MAP2K2: variants seen among roughly 807,000 people sequenced by gnomAD.
The protein encoded by MAP2K2 is mitogen-activated protein kinase kinase 2, also known as dual specificity mitogen-activated protein kinase kinase 2.
A neutral mutation model predicts 43.7 loss-of-function variants in MAP2K2; 24 were observed. The ratio of observed to expected loss-of-function variants is 0.55; its 90% CI spans 0.40 to 0.77. The LOEUF (loss-of-function observed/expected upper bound fraction) is 0.77, where lower values mean the gene tolerates loss of function less well. Ranked by LOEUF, MAP2K2 falls within the 30% of genes least tolerant of loss-of-function variation. The probability of loss-of-function intolerance (pLI) is 0.00; values close to 1 mark genes in which losing one functional copy is unlikely to be tolerated. For synonymous variants in MAP2K2, 244 were observed against 239.7 expected (o/e 1.02, Z -0.17); for missense variants, 470 against 566.8 (o/e 0.83, Z 1.73).
chr19:4,116,407 G>A (rs1003274645), intron 2 of MAP2K2, among the ~76,000 whole-genome samples: 1 of 152,144 alleles, frequency 6.6e-6, no homozygotes, highest in Non-Finnish European at 1.5e-5. Flanking sequence ...GCATGCACCT[G>A]TAATCCCAGC....
intron 3 of MAP2K2, among the ~76,000 whole-genome samples, chr19:4,109,324 C>T (rs1351490209): frequency 6.6e-6 from 1 of 152,194 alleles, no homozygotes; most frequent in Non-Finnish European, 1.5e-5. Flanking sequence ...AAGGGGGTGC[C>T]TGTACCCCAC....
At chr19:4,116,822 C>T (rs541985490) in intron 2 of MAP2K2, among the ~76,000 whole-genome samples, 3 of 151,854 alleles carry the variant, frequency 2.0e-5, no homozygotes, top group Admixed American at 6.6e-5. Context: ...CCCAGCTACT[C>T]GGGAGGCTGA....
intron 10 of MAP2K2, among the ~76,000 whole-genome samples, chr19:4,092,460 G>A (rs1186535206): frequency 4.0e-5 from 6 of 151,878 alleles, no homozygotes; most frequent in African/African-American, 9.7e-5. Flanking sequence ...GTGGTGGCAC[G>A]AGCCTGTAAT....
chr19:4,097,413 CA>C, intron 7 of MAP2K2, 70 bp from the exon 8 acceptor site: 1 of 1,245,114 alleles, frequency 8.0e-7, no homozygotes, highest in Non-Finnish European at 1.2e-6. Context: ...GTTGGGCTCC[CA>C]GGGGGCTGAT....
At chr19:4,103,115 G>A (rs756644676) in intron 3 of MAP2K2, 43 of 1,000,342 alleles carry the variant, frequency 4.3e-5, no homozygotes, top group Non-Finnish European at 4.6e-5. Context: ...ATGGACTGCA[G>A]GAGGGATCCC....
At chr19:4,099,989 C>CCTGTAATCCCAGCACTTTG (rs546329038) in intron 6 of MAP2K2, 312 of 164,070 alleles carry the variant, frequency 1.9e-3, no homozygotes, top group African/African-American at 6.9e-3. Flanking sequence ...GTGGCTCACG[C>CCTGTAATCCCAGCACTTTG]CTGTAATCCC....
intron 3 of MAP2K2, 132 bp from the exon 4 acceptor site, chr19:4,102,585 C>A: frequency 2.2e-6 from 2 of 915,678 alleles, no homozygotes; most frequent in South Asian, 1.4e-5. Flanking sequence ...CAACTCCACC[C>A]ACGGGCCAAG....
At chr19:4,109,115 T>C (rs565577327) in intron 3 of MAP2K2, among the ~76,000 whole-genome samples, 2 of 152,288 alleles carry the variant, frequency 1.3e-5, no homozygotes, top group Admixed American at 6.5e-5. Flanking sequence ...TTGCAGGGTG[T>C]CACCCAAGCA....
At chr19:4,119,459 C>T (rs1599309048) in intron 1 of MAP2K2, among the ~76,000 whole-genome samples, 1 of 152,114 alleles carries the variant, frequency 6.6e-6, no homozygotes, top group East Asian at 1.9e-4. Context: ...TGGGTTCAAG[C>T]CACCTGCCCA....
At position 4,094,816 on chromosome 19, in the gene MAP2K2, G is replaced by A. The variant is rs531345790; in HGVS notation, c.1047-318C>T. The A allele has an allele frequency of 8.2e-5, 38 of 462,762 alleles. No homozygotes were observed. The Admixed American group carries it at 9.0e-4, about 11-fold the overall frequency. The allele number at this position is 462,762 out of a possible 1,614,324, so 28.7% of individuals were successfully genotyped here. ...CTGTCTAATAAAACCCCAGGCCCGG[G>A]GCAACATCGCCGGAGCGCACGCCAA... On this transcript the variant is annotated intron_variant, in intron 9 of 10. Coordinates refer to ENST00000262948, the MANE Select transcript of MAP2K2 (RefSeq NM_030662.4).
At chr19:4,123,081 T>C (rs897198983) in intron 1 of MAP2K2, among the ~76,000 whole-genome samples, 3 of 150,078 alleles carry the variant, frequency 2.0e-5, no homozygotes, top group African/African-American at 7.4e-5. Context: ...CACCCTCATC[T>C]CATGACTACG....
At chr19:4,109,908 A>AC (rs1568259518) in intron 3 of MAP2K2, among the ~76,000 whole-genome samples, 1 of 152,006 alleles carries the variant, frequency 6.6e-6, no homozygotes, top group African/African-American at 2.4e-5. Flanking sequence ...CAACCTACGT[A>AC]CCCCCCAAAA....
At chr19:4,094,832 C>T (rs978542405) in intron 9 of MAP2K2, 29 of 437,072 alleles carry the variant, frequency 6.6e-5, no homozygotes, top group Middle Eastern at 6.4e-4. Context: ...ATCGCCGGAG[C>T]GCACGCCAAG....
At chr19:4,121,153 C>A (rs898152989) in intron 1 of MAP2K2, among the ~76,000 whole-genome samples, 2 of 151,960 alleles carry the variant, frequency 1.3e-5, no homozygotes, top group African/African-American at 4.8e-5. Context: ...CAGTCCCCTC[C>A]CTCGTCCTGG....
At chr19:4,102,879 C>A in intron 3 of MAP2K2, 1 of 1,169,222 alleles carries the variant, frequency 8.6e-7, no homozygotes, top group Non-Finnish European at 1.1e-6. Flanking sequence ...CTTGGGCCTG[C>A]GTCCTCTTCC....
Position 4,102,441 on chromosome 19 carries a change from G to A in MAP2K2, c.463C>T (p.Leu155=), listed in dbSNP as rs1029582498. ...ICMEHMDGGS[L]DQVLKEAKRI... ...TTGGCCTCTTTCAGCACCTGGTCCAGGGAGCCGCCGTCCTAGAGGGCACAC... is the reference window on the plus strand; with the variant it reads ...TTGGCCTCTTTCAGCACCTGGTCCAAGGAGCCGCCGTCCTAGAGGGCACAC... The change falls in exon 4 of 11, where the codon CTG becomes TTG. Residue 155 remains leucine (L), a synonymous_variant. Transcript: ENST00000262948. 3 of 1,603,886 alleles carry A rather than the reference G, an allele frequency of 1.9e-6. No individual in the cohort carries two copies. Among genetic ancestry groups the A allele is most frequent in the Non-Finnish European group, 2.6e-6 (3 of 1,176,304 alleles).
intron 1 of MAP2K2, among the ~76,000 whole-genome samples, chr19:4,121,992 T>C (rs1197420095): frequency 1.8e-4 from 14 of 76,448 alleles, no homozygotes; most frequent in South Asian, 5.0e-4. Flanking sequence ...TCCTCTCCCC[T>C]AAGGGACCCC....
At chr19:4,110,895 C>T (rs1361793957) in intron 2 of MAP2K2, among the ~76,000 whole-genome samples, 1 of 152,188 alleles carries the variant, frequency 6.6e-6, no homozygotes, top group African/African-American at 2.4e-5. Context: ...CCCAGGCGTC[C>T]ACCCAGGGCA....
chr19:4,097,835 C>G (rs1276593434), intron 7 of MAP2K2, among the ~76,000 whole-genome samples: 3 of 152,186 alleles, frequency 2.0e-5, no homozygotes, highest in Non-Finnish European at 4.4e-5. Flanking sequence ...GGCAGCTGGA[C>G]TTTCGCCTTC....
Sources: gnomAD v4.1 joint callset for allele counts (sites outside exome capture counted in the v4.1 genomes callset) on GRCh38, gnomAD v4.1.1 for gene constraint, MANE v1.5 for transcripts, NCBI Gene and HGNC (gene_info 2026-07-23, HGNC 2026-07-21) for gene names.